Variants in THADA observed in about 807,000 individuals in gnomAD.
THADA encodes tRNA (32-2'-O)-methyltransferase regulator THADA.
THADA carries 213 observed loss-of-function variants against 219.8 expected under a neutral mutation model. That is an observed-to-expected ratio of 0.97 (90% CI 0.87 to 1.09). The LOEUF (loss-of-function observed/expected upper bound fraction) is 1.09, where lower values mean the gene tolerates loss of function less well. THADA is among the 50% of genes least tolerant of loss of function. THADA has a pLI of 0.00. For missense variants in THADA, 2,956 were observed against 2,311.3 expected (o/e 1.28, Z -5.72); for synonymous variants, 1,018 against 828.9 (o/e 1.23, Z -3.92).
intron 36 of THADA, among the ~76,000 whole-genome samples, chr2:43,241,101 T>A (rs1198974848): frequency 1.3e-5 from 2 of 152,114 alleles, no homozygotes; most frequent in Admixed American, 1.3e-4. Flanking sequence ...TTTTTATGTT[T>A]ATTTTTTTGA....
chr2:43,247,675 G>A (rs1221509679), intron 36 of THADA, among the ~76,000 whole-genome samples: 1 of 138,748 alleles, frequency 7.2e-6, no homozygotes, highest in Admixed American at 7.9e-5. Context: ...GTTGCAGTGA[G>A]CTGAGATCGC....
chr2:43,345,783 C>T (rs547279936), intron 29 of THADA, among the ~76,000 whole-genome samples: 86 of 152,266 alleles, frequency 5.6e-4, no homozygotes, highest in African/African-American at 2.0e-3. Context: ...TCAGCAGACA[C>T]CAGCAAAATG....
At chr2:43,276,509 G>C (rs911064007) in intron 36 of THADA, among the ~76,000 whole-genome samples, 1 of 152,210 alleles carries the variant, frequency 6.6e-6, no homozygotes, top group African/African-American at 2.4e-5. Flanking sequence ...AAAAGGATAT[G>C]TTAGGGTGAG....
In THADA at chr2:43,455,797, C is replaced by T. The variant is rs13384505; in HGVS notation, c.3837-25495G>A. On this transcript the variant is annotated intron_variant, in intron 26 of 37. Coordinates refer to ENST00000405975, the MANE Select transcript of THADA (RefSeq NM_022065.5). ...CTAAATGCAGAATTAAAAGATTTTT[C>T]TCTTCTTCTCAATTCAGCTATGACT... Among the ~76,000 whole-genome samples the T allele has an allele frequency of 7.7e-3, 1,176 of 152,254 alleles. 14 individuals are homozygous for T. Among genetic ancestry groups the T allele is most frequent in the African/African-American group, 0.027 (1,127 of 41,558 alleles).
intron 30 of THADA, among the ~76,000 whole-genome samples, chr2:43,323,287 G>A (rs556139019): frequency 2.4e-4 from 36 of 152,168 alleles, no homozygotes; most frequent in Admixed American, 1.1e-3. Context: ...GACTACAGGT[G>A]CATGCCACCA....
intron 35 of THADA, among the ~76,000 whole-genome samples, chr2:43,282,883 T>C (rs982586689): frequency 3.3e-5 from 5 of 152,216 alleles, no homozygotes; most frequent in African/African-American, 1.2e-4. Flanking sequence ...GTGTACAACA[T>C]GCTGGAAACC....
At chr2:43,560,562 GTAC>G (rs1398833266) in intron 15 of THADA, among the ~76,000 whole-genome samples, 177 bp from the exon 16 acceptor site, 1 of 152,030 alleles carries the variant, frequency 6.6e-6, no homozygotes, top group Non-Finnish European at 1.5e-5. Flanking sequence ...GACAAAATAA[GTAC>G]TACAGTTCTC....
chr2:43,244,164 A>G (rs1390324982), intron 36 of THADA, among the ~76,000 whole-genome samples: 2 of 152,242 alleles, frequency 1.3e-5, no homozygotes. Context: ...GACACAGCCA[A>G]TATGAATGAA....
intron 26 of THADA, among the ~76,000 whole-genome samples, chr2:43,473,187 A>G (rs186462477): frequency 2.0e-4 from 31 of 152,388 alleles, no homozygotes; most frequent in Admixed American, 1.8e-3. Flanking sequence ...TTTTGTAACA[A>G]AGGTTAAAAC....
chr2:43,344,768 G>T (rs10196106), intron 29 of THADA, among the ~76,000 whole-genome samples: 23,715 of 144,148 alleles, frequency 0.16, 2,247 homozygotes, highest in African/African-American at 0.27. Context: ...GGTTTTTTTT[G>T]TTTTTTTTTT....
At chr2:43,294,032 T>C (rs915698883) in intron 31 of THADA, among the ~76,000 whole-genome samples, 8 of 152,226 alleles carry the variant, frequency 5.3e-5, no homozygotes, top group Middle Eastern at 3.2e-3. Context: ...TTTGACGTGG[T>C]CTACTGATGG....
intron 34 of THADA, among the ~76,000 whole-genome samples, chr2:43,290,252 G>A (rs1234626052): frequency 1.3e-5 from 2 of 151,596 alleles, no homozygotes; most frequent in Admixed American, 6.6e-5. Flanking sequence ...GATTACAGGT[G>A]TGAACCACCA....
chr2:43,450,972 A>G (rs1049777466), intron 26 of THADA, among the ~76,000 whole-genome samples: 1 of 152,176 alleles, frequency 6.6e-6, no homozygotes, highest in African/African-American at 2.4e-5. Context: ...GTTATTAAGG[A>G]GTATAGAGTT....
chr2:43,484,539 A>G (rs369852072), intron 26 of THADA: 13 of 169,054 alleles, frequency 7.7e-5, no homozygotes, highest in African/African-American at 3.1e-4. Context: ...TTACCATTAA[A>G]TCCTCTTAAG....
At chr2:43,532,893 T>A (rs113021159) in intron 21 of THADA, among the ~76,000 whole-genome samples, 1 of 152,122 alleles carries the variant, frequency 6.6e-6, no homozygotes, top group African/African-American at 2.4e-5. Context: ...AACTGACAAG[T>A]AGGATCTAAT....
intron 29 of THADA, among the ~76,000 whole-genome samples, chr2:43,374,514 C>A (rs1671160360): frequency 6.6e-6 from 1 of 152,090 alleles, no homozygotes; most frequent in Admixed American, 6.5e-5. Flanking sequence ...AGCAAATATA[C>A]AGAAGTCAAT....
chr2:43,477,798 G>C (rs1685718099), intron 26 of THADA, among the ~76,000 whole-genome samples: 1 of 152,228 alleles, frequency 6.6e-6, no homozygotes, highest in Non-Finnish European at 1.5e-5. Context: ...ATGAATGACT[G>C]AATGAACACT....
intron 20 of THADA, among the ~76,000 whole-genome samples, chr2:43,542,819 T>C (rs1035163005): frequency 1.3e-4 from 20 of 152,226 alleles, no homozygotes; most frequent in African/African-American, 4.6e-4. Context: ...GCTTGTTCGC[T>C]GCACAACAGC....
chr2:43,566,574 T>C (rs1040430866), intron 15 of THADA, 124 bp downstream of exon 15: 6 of 1,032,854 alleles, frequency 5.8e-6, no homozygotes, highest in Non-Finnish European at 8.9e-6. Context: ...GCAAGAATTA[T>C]AAGGTAAGAA....
Sources: allele counts gnomAD v4.1 joint callset (sites outside exome capture counted in the v4.1 genomes callset), GRCh38; gene constraint gnomAD v4.1.1; transcripts MANE v1.5; gene names NCBI Gene and HGNC (gene_info 2026-07-23, HGNC 2026-07-21).